The following IKZF3 variants were observed in gnomAD, a reference collection of about 807,000 sequenced individuals.
IKZF3 encodes the protein zinc finger protein Aiolos.
Under a neutral mutation model 49.0 loss-of-function variants are expected in IKZF3, and 10 were observed. The observed-to-expected ratio is 0.20, with a 90% CI of 0.13 to 0.35. The LOEUF (loss-of-function observed/expected upper bound fraction) is 0.35. Among genes scored for constraint, IKZF3 ranks in the 10% least tolerant of loss-of-function variants. The probability of loss-of-function intolerance (pLI) is 1.00; values close to 1 mark genes in which losing one functional copy is unlikely to be tolerated. For synonymous variants in IKZF3, 209 were observed against 228.2 expected (o/e 0.92, Z 0.76); for missense variants, 498 against 664.8 (o/e 0.75, Z 2.76).
chr17:39,770,349 T>C (rs141489261), intron 7 of IKZF3, among the ~76,000 whole-genome samples: 3,585 of 152,260 alleles, frequency 0.024, 50 homozygotes, highest in Non-Finnish European at 0.035. Context: ...CCAACAAAAA[T>C]ACACACGGCA....
intron 3 of IKZF3, among the ~76,000 whole-genome samples, chr17:39,797,752 T>A (rs368349712): frequency 1.3e-5 from 2 of 152,086 alleles, no homozygotes; most frequent in Admixed American, 1.3e-4. Context: ...AATGAAAATG[T>A]ACCTTCTTTC....
intron 3 of IKZF3, among the ~76,000 whole-genome samples, chr17:39,818,628 TC>T (rs1652543207): frequency 6.6e-6 from 1 of 152,104 alleles, no homozygotes; most frequent in Non-Finnish European, 1.5e-5. Flanking sequence ...GGTGGGCAGA[TC>T]ACTTGAGGTC....
chr17:39,811,283 G>C (rs1441144209), intron 3 of IKZF3, among the ~76,000 whole-genome samples: 2 of 122,864 alleles, frequency 1.6e-5, no homozygotes, highest in Admixed American at 7.9e-5. Context: ...AGGGAGAAAG[G>C]GAGGAAATAA....
intron 2 of IKZF3, among the ~76,000 whole-genome samples, 190 bp from the exon 3 acceptor site, chr17:39,829,678 G>A (rs2062056441): frequency 6.6e-6 from 1 of 151,456 alleles, no homozygotes; most frequent in African/African-American, 2.4e-5. Context: ...CCCAGGGTTC[G>A]CAGTGGCTCA....
intron 1 of IKZF3, among the ~76,000 whole-genome samples, chr17:39,857,065 T>A (rs552250662): frequency 6.6e-6 from 1 of 152,324 alleles, no homozygotes; most frequent in African/African-American, 2.4e-5. Context: ...CTACACTGTA[T>A]GTAAGCATAT....
chr17:39,814,391 T>C (rs1419944809), intron 3 of IKZF3, among the ~76,000 whole-genome samples: 1 of 152,112 alleles, frequency 6.6e-6, no homozygotes, highest in Non-Finnish European at 1.5e-5. Flanking sequence ...AAAAAAGAAA[T>C]CTATTTCATG....
rs1567970547 is a variant in IKZF3 at position 39,779,571 on chromosome 17, CTT to C, written c.710-1806_710-1805del. Among the ~76,000 whole-genome samples, 9 of 151,736 alleles carry C rather than the reference CTT, an allele frequency of 5.9e-5. 1 individual carries two copies. ...CTAGCCTGAACCAGGGATCAGCAAA[CTT>C]TTGTCTGTAAAGGGCCAGACAGTAA... On this transcript the variant is annotated intron_variant, in intron 6 of 7. Transcript: ENST00000346872.
rs775917490 is a variant in IKZF3 at position 39,761,915 on chromosome 17, G to A, written c.*3875C>T. 6.6e-6 allele frequency: 1 copy of A among 152,420 alleles called. No individual in the cohort carries two copies. The highest frequency in any genetic ancestry group is 1.5e-5 in the Non-Finnish European group (1 of 68,188). 9.4% of individuals were successfully genotyped at this position (152,420 alleles called of 1,614,324 possible). A position where few individuals can be genotyped will look rare whatever the true frequency, so the allele number is the denominator to read the frequency against. On this transcript the variant is annotated 3_prime_UTR_variant, in exon 8 of 8. Transcript: ENST00000346872. ...GATGGGGGTTTCTCCATGTTGGTCA[G>A]GCAGGTCTCGAACTCCCAACCTCAG...
intron 7 of IKZF3, among the ~76,000 whole-genome samples, chr17:39,774,467 A>G (rs1430255251): frequency 6.6e-6 from 1 of 152,044 alleles, no homozygotes; most frequent in Non-Finnish European, 1.5e-5. Context: ...TGGAGAGAAA[A>G]CAGTAGCCCC....
intron 6 of IKZF3, 133 bp downstream of exon 6, chr17:39,788,125 G>C (rs1406351878): frequency 1.7e-6 from 1 of 605,060 alleles, no homozygotes; most frequent in Non-Finnish European, 3.0e-6. Flanking sequence ...CCAACTTACA[G>C]TTTGCTCATT....
intron 2 of IKZF3, among the ~76,000 whole-genome samples, chr17:39,829,717 C>T (rs2062057582): frequency 6.6e-6 from 1 of 151,608 alleles, no homozygotes; most frequent in African/African-American, 2.4e-5. Flanking sequence ...TTTGGGAGGC[C>T]GAGATGGGCA....
In IKZF3 at chr17:39,784,624, C is replaced by T. The variant is rs765604561; in HGVS notation, c.709+3634G>A. On this transcript the variant is annotated intron_variant, in intron 6 of 7. Coordinates refer to ENST00000346872, the MANE Select transcript of IKZF3 (RefSeq NM_012481.5). ...TCAACATGTTGGCCAAGATGGTCTC[C>T]ATCTCTTGACCTTGTGATCCGCCCG... Among the ~76,000 whole-genome samples, 76 of 152,110 alleles carry T rather than the reference C, an allele frequency of 5.0e-4. 1 individual carries two copies. Among genetic ancestry groups the T allele is most frequent in the Non-Finnish European group, 9.4e-4 (64 of 68,016 alleles).
chr17:39,771,560 T>C (rs916872650), intron 7 of IKZF3, among the ~76,000 whole-genome samples: 1 of 152,154 alleles, frequency 6.6e-6, no homozygotes, highest in African/African-American at 2.4e-5. Context: ...ACACTTAATA[T>C]GGGGCAAAGA....
At chr17:39,845,149 C>A (rs956836856) in intron 1 of IKZF3, among the ~76,000 whole-genome samples, 20 of 152,170 alleles carry the variant, frequency 1.3e-4, no homozygotes, top group African/African-American at 2.4e-4. Context: ...ATGGTTTTTA[C>A]ATCTTTAAAT....
chr17:39,856,030 CAATATAACATGTATATTGTAT>C lies in IKZF3; in HGVS notation c.7+8069_7+8089del, dbSNP rs1158132537. Among the ~76,000 whole-genome samples, 38 of 131,278 alleles carry C rather than the reference CAATATAACATGTATATTGTAT, an allele frequency of 2.9e-4. No homozygotes were observed. In the South Asian group the frequency reaches 5.1e-3, roughly 17 times the overall value. 86.1% of individuals were successfully genotyped at this position (131,278 alleles called of 152,430 possible). A position where few individuals can be genotyped will look rare whatever the true frequency, so the allele number is the denominator to read the frequency against. Reference sequence around the variant, plus strand: ...ATATAACATGTATATTGTATATGTACAATATAACATGTATATTGTATATGTACAATATAACATGTATATTGT... The same window carrying C: ...ATATAACATGTATATTGTATATGTACATGTACAATATAACATGTATATTGT... On this transcript the variant is annotated intron_variant, in intron 1 of 7. Transcript: ENST00000346872.
rs946766312 is a variant in IKZF3 at position 39,788,239 on chromosome 17, G to A, written c.709+19C>T. ...CTAGGACAGCAGATGCTCACTAAAC[G>A]TGTGTTGCGTGAACTCACCAGTGTC... On this transcript the variant is annotated intron_variant, in intron 6 of 7. Coordinates refer to ENST00000346872, the MANE Select transcript of IKZF3 (RefSeq NM_012481.5). 8 of 1,452,802 alleles carry A rather than the reference G, an allele frequency of 5.5e-6. No individual in the cohort carries two copies. Among genetic ancestry groups the A allele is most frequent in the Admixed American group, 5.0e-5 (3 of 59,510 alleles). 90.0% of individuals were successfully genotyped at this position (1,452,802 alleles called of 1,614,324 possible).
rs1461138704 is a variant in IKZF3 at position 39,765,525 on chromosome 17, C to T, written c.*265G>A. 4 of 403,182 alleles carry T rather than the reference C, an allele frequency of 9.9e-6. No individual in the cohort carries two copies. Among genetic ancestry groups the T allele is most frequent in the Non-Finnish European group, 1.8e-5 (4 of 222,800 alleles). The allele number at this position is 403,182 out of a possible 1,614,324, so 25.0% of individuals were successfully genotyped here. On this transcript the variant is annotated 3_prime_UTR_variant, in exon 8 of 8. Transcript: ENST00000346872. ...ATTCCACTGCTGTAGAAGATAATGA[C>T]CAAATACCTTTTTGGCTTTTAAATT...
At chr17:39,842,707 G>A (rs1366432070) in intron 1 of IKZF3, among the ~76,000 whole-genome samples, 1 of 152,144 alleles carries the variant, frequency 6.6e-6, no homozygotes, top group East Asian at 1.9e-4. Context: ...ACATTCTGAT[G>A]TTAATAAATG....
intron 1 of IKZF3, among the ~76,000 whole-genome samples, chr17:39,856,591 A>G (rs1336926246): frequency 4.6e-5 from 7 of 152,106 alleles, no homozygotes; most frequent in African/African-American, 1.4e-4. Context: ...GGATCATCTG[A>G]GATCAGGAGT....
Sources: gnomAD v4.1 joint callset for allele counts (sites outside exome capture counted in the v4.1 genomes callset) on GRCh38, gnomAD v4.1.1 for gene constraint, MANE v1.5 for transcripts, NCBI Gene and HGNC (gene_info 2026-07-23, HGNC 2026-07-21) for gene names.